The following SLC37A1 variants were observed in gnomAD, a reference collection of about 807,000 sequenced individuals.
The protein encoded by SLC37A1 is glucose-6-phosphate exchanger SLC37A1.
Under a neutral mutation model 75.3 loss-of-function variants are expected in SLC37A1, and 49 were observed. The ratio of observed to expected loss-of-function variants is 0.65; its 90% CI spans 0.52 to 0.83. The LOEUF is 0.83. Among genes scored for constraint, SLC37A1 ranks in the 40% least tolerant of loss-of-function variants. The probability of loss-of-function intolerance (pLI) is 0.00; values close to 1 mark genes in which losing one functional copy is unlikely to be tolerated. For synonymous variants in SLC37A1, 268 were observed against 292.1 expected (o/e 0.92, Z 0.84); for missense variants, 566 against 695.0 (o/e 0.81, Z 2.09).
At chr21:42,530,824 G>A (rs180953389) in intron 3 of SLC37A1, among the ~76,000 whole-genome samples, 170 of 152,202 alleles carry the variant, frequency 1.1e-3, no homozygotes, top group African/African-American at 3.9e-3. Flanking sequence ...TGGAGGCCAC[G>A]TACCTGCTGC....
chr21:42,570,226 T>C lies in SLC37A1; in HGVS notation c.1423+1788T>C, dbSNP rs2056115768. Among the ~76,000 whole-genome samples the C allele has an allele frequency of 2.2e-5, 2 of 90,334 alleles. 1 individual carries two copies. Among genetic ancestry groups the C allele is most frequent in the Non-Finnish European group, 5.3e-5 (2 of 37,908 alleles). 59.3% of individuals were successfully genotyped at this position (90,334 alleles called of 152,430 possible). On this transcript the variant is annotated intron_variant, in intron 17 of 19. Coordinates refer to ENST00000352133, the MANE Select transcript of SLC37A1 (RefSeq NM_001320537.2). ...TGAGAAGCGGCAGGCAGGGTGGCCG[T>C]TGCCATGTCATGTGACACACGGCCT...
chr21:42,574,937 C>G (rs777696323), intron 18 of SLC37A1, 22 bp downstream of exon 18: 85 of 1,613,456 alleles, frequency 5.3e-5, no homozygotes, highest in Non-Finnish European at 6.5e-5. Context: ...TATTTTTAGT[C>G]CAATCCACCT....
chr21:42,530,627 CACACACACACACACACACACACACACA>C lies in SLC37A1; in HGVS notation c.139-4070_139-4044del, dbSNP rs1193424276. 5.0e-3 allele frequency among the ~76,000 whole-genome samples: 548 copies of C among 110,380 alleles called. 7 individuals carry two copies. The highest frequency in any genetic ancestry group is 0.016 in the African/African-American group (502 of 31,338). 72.4% of individuals were successfully genotyped at this position (110,380 alleles called of 152,430 possible). Reference sequence around the variant, plus strand: ...ACACACACACACACACACACACACACACACACACACACACACACACACACACACCCCCTCTGTGTTGGCTGAAGGTGG... The same window carrying C: ...ACACACACACACACACACACACACACCCCCCTCTGTGTTGGCTGAAGGTGG... On this transcript the variant is annotated intron_variant, in intron 3 of 19. Transcript: ENST00000352133.
chr21:42,564,874 T>C lies in SLC37A1; in HGVS notation c.1221+81T>C. 2.3e-6 allele frequency: 3 copies of C among 1,330,612 alleles called. No homozygotes were observed. In the South Asian group the frequency reaches 3.7e-5, roughly 16 times the overall value. 82.4% of individuals were successfully genotyped at this position (1,330,612 alleles called of 1,614,324 possible). Reference sequence around the variant, plus strand: ...CTCCTCGCCAGCCAGCATCCTTCCATCTGGCCCGTGCTCCACTTTCCTGAC... The same window carrying C: ...CTCCTCGCCAGCCAGCATCCTTCCACCTGGCCCGTGCTCCACTTTCCTGAC... On this transcript the variant is annotated intron_variant, in intron 14 of 19. Transcript: ENST00000352133.
intron 3 of SLC37A1, 59 bp from the exon 4 acceptor site, chr21:42,534,639 T>C: frequency 6.4e-7 from 1 of 1,569,982 alleles, no homozygotes; most frequent in African/African-American, 1.3e-5. Flanking sequence ...CTGTGCCCCA[T>C]GCTGAGCCTC....
intron 2 of SLC37A1, among the ~76,000 whole-genome samples, chr21:42,507,565 C>G (rs2054395488): frequency 6.6e-6 from 1 of 152,184 alleles, no homozygotes; most frequent in African/African-American, 2.4e-5. Flanking sequence ...TAAAGGAATC[C>G]TCGAGGCTGG....
chr21:42,501,408 A>C (rs1310985025), intron 1 of SLC37A1, among the ~76,000 whole-genome samples: 2 of 152,288 alleles, frequency 1.3e-5, no homozygotes, highest in East Asian at 1.9e-4. Flanking sequence ...ATTAATCTAC[A>C]CTGTTAAAAA....
At chr21:42,580,206 C>A in intron 19 of SLC37A1, 139 bp from the exon 20 acceptor site, 1 of 943,646 alleles carries the variant, frequency 1.1e-6, no homozygotes, top group Non-Finnish European at 1.7e-6. Context: ...ATCCAGCACC[C>A]CTGCAGGAGA....
intron 10 of SLC37A1, among the ~76,000 whole-genome samples, chr21:42,554,721 C>A (rs754121847): frequency 6.6e-6 from 1 of 152,190 alleles, no homozygotes; most frequent in Non-Finnish European, 1.5e-5. Context: ...ATGAGGAATT[C>A]CGGACACAGA....
At chr21:42,513,090 GA>G (rs1337174449), upstream of SLC37A1, among the ~76,000 whole-genome samples, 2 of 152,240 alleles carry the variant, frequency 1.3e-5, no homozygotes, top group South Asian at 2.1e-4. Context: ...CTTCCCCGAG[GA>G]GTGGGCTGGG....
intron 10 of SLC37A1, among the ~76,000 whole-genome samples, chr21:42,554,686 C>T (rs1437970758): frequency 6.6e-6 from 1 of 152,202 alleles, no homozygotes. Context: ...CAGAAGGAGG[C>T]ATCTCCACCT....
intron 3 of SLC37A1, among the ~76,000 whole-genome samples, chr21:42,530,650 A>ACCC (rs1460499515): frequency 9.0e-4 from 23 of 25,606 alleles, no homozygotes; most frequent in Non-Finnish European, 1.5e-3. Context: ...ACACACACAC[A>ACCC]CACACCCCCT....
intron 18 of SLC37A1, chr21:42,576,045 G>A (rs1005294963): frequency 1.3e-6 from 1 of 769,518 alleles, no homozygotes; most frequent in Non-Finnish European, 1.6e-6. Context: ...GAAAGTAAAG[G>A]AACTCCCCAG....
chr21:42,522,404 G>A (rs1419645100), intron 2 of SLC37A1, among the ~76,000 whole-genome samples: 3 of 152,238 alleles, frequency 2.0e-5, no homozygotes, highest in Non-Finnish European at 2.9e-5. Flanking sequence ...CATCCATGCT[G>A]CAGAGTGAAG....
chr21:42,537,834 C>T (rs1411388217), intron 5 of SLC37A1, among the ~76,000 whole-genome samples: 5 of 152,202 alleles, frequency 3.3e-5, no homozygotes, highest in Non-Finnish European at 1.5e-5. Flanking sequence ...AGGGCACATG[C>T]TGCTGCATTG....
intron 17 of SLC37A1, among the ~76,000 whole-genome samples, chr21:42,570,020 C>A (rs113420129): frequency 1.8e-5 from 2 of 112,594 alleles, no homozygotes. Flanking sequence ...GTGGCCGTTG[C>A]CATGTGACAC....
intron 12 of SLC37A1, among the ~76,000 whole-genome samples, chr21:42,562,470 T>G (rs1448146565): frequency 1.3e-5 from 2 of 152,162 alleles, no homozygotes; most frequent in Non-Finnish European, 2.9e-5. Flanking sequence ...TGGGCTACAC[T>G]GAACTTTGGA....
chr21:42,546,209 G>A (rs1234246818), intron 8 of SLC37A1, among the ~76,000 whole-genome samples: 3 of 152,206 alleles, frequency 2.0e-5, no homozygotes, highest in African/African-American at 7.2e-5. Context: ...CTAGAGGCCT[G>A]GGGTCTGACT....
intron 10 of SLC37A1, among the ~76,000 whole-genome samples, chr21:42,555,241 G>T (rs1454023929): frequency 1.3e-5 from 2 of 151,986 alleles, no homozygotes; most frequent in African/African-American, 4.8e-5. Flanking sequence ...ACCCGCCTTA[G>T]CCTCCCAAAG....
Sources: allele counts gnomAD v4.1 joint callset (sites outside exome capture counted in the v4.1 genomes callset), GRCh38; gene constraint gnomAD v4.1.1; transcripts MANE v1.5; gene names NCBI Gene and HGNC (gene_info 2026-07-23, HGNC 2026-07-21).